Variants in PRICKLE2 observed in about 807,000 individuals in gnomAD.
The protein encoded by PRICKLE2 is prickle-like protein 2.
PRICKLE2 carries 21 observed loss-of-function variants against 81.4 expected under a neutral mutation model. The ratio of observed to expected loss-of-function variants is 0.26; its 90% CI spans 0.18 to 0.37. The LOEUF is 0.37. PRICKLE2 is among the 10% of genes least tolerant of loss of function. The pLI is 1.00. For synonymous variants in PRICKLE2, 456 were observed against 421.5 expected (o/e 1.08, Z -1.00); for missense variants, 940 against 1,109.0 (o/e 0.85, Z 2.16).
intron 2 of PRICKLE2, among the ~76,000 whole-genome samples, chr3:64,248,000 T>TTCC (rs2079384114): frequency 6.6e-6 from 1 of 152,146 alleles, no homozygotes. Context: ...GCTGGGCACC[T>TTCC]CAATCCACAA....
At chr3:64,177,928 A>G (rs987531619) in intron 2 of PRICKLE2, among the ~76,000 whole-genome samples, 2 of 152,222 alleles carry the variant, frequency 1.3e-5, no homozygotes, top group Non-Finnish European at 1.5e-5. Context: ...CTAGGAGTGG[A>G]ATTACTGGAT....
At chr3:64,262,123 A>C (rs549874015) in intron 2 of PRICKLE2, among the ~76,000 whole-genome samples, 58 of 152,324 alleles carry the variant, frequency 3.8e-4, no homozygotes, top group African/African-American at 1.3e-3. Flanking sequence ...CGCACACTCT[A>C]TCAAGATATC....
In PRICKLE2 at chr3:64,206,668, G is replaced by T. The variant is rs139604679; in HGVS notation, c.-40-7701C>A. ...GCCACTTTCATGCACAGGGACAAGG[G>T]GCAGACTGCTTAAAGAGTGGTTCAG... On this transcript the variant is annotated intron_variant, in intron 1 of 7. Transcript: ENST00000638394. Among the ~76,000 whole-genome samples, 64 of 152,298 alleles carry T rather than the reference G, an allele frequency of 4.2e-4. No individual in the cohort carries two copies. In the East Asian group the frequency reaches 0.011, roughly 25 times the overall value.
At chr3:64,137,007 T>G (rs967698996) in intron 7 of PRICKLE2, among the ~76,000 whole-genome samples, 7 of 152,316 alleles carry the variant, frequency 4.6e-5, no homozygotes, top group Admixed American at 4.6e-4. Flanking sequence ...GGCCACAAAC[T>G]ATTCACTATG....
intron 2 of PRICKLE2, among the ~76,000 whole-genome samples, chr3:64,234,140 T>C (rs2079147036): frequency 6.6e-6 from 1 of 152,130 alleles, no homozygotes; most frequent in Non-Finnish European, 1.5e-5. Flanking sequence ...ACGTATAAGT[T>C]TTTGTGGGGA....
At chr3:64,133,781 T>C (rs2077234495) in intron 7 of PRICKLE2, among the ~76,000 whole-genome samples, 1 of 152,196 alleles carries the variant, frequency 6.6e-6, no homozygotes, top group Non-Finnish European at 1.5e-5. Flanking sequence ...CTCATCTTTC[T>C]GGCTGCAAGC....
In PRICKLE2 at chr3:64,126,956, G is replaced by A. The variant is rs183738849; in HGVS notation, c.1660+19874C>T. Among the ~76,000 whole-genome samples, 11 of 152,216 alleles carry A rather than the reference G, an allele frequency of 7.2e-5. No individual in the cohort carries two copies. The East Asian group carries it at 1.4e-3, about 19-fold the overall frequency. ...AGGCTCATTCATTCGCAAATAGTTC[G>A]TGAATGCCCACTCATTTGTCAGGTT... On this transcript the variant is annotated intron_variant, in intron 7 of 7. Transcript: ENST00000638394.
chr3:64,249,569 A>G (rs915947844), intron 2 of PRICKLE2, among the ~76,000 whole-genome samples: 3 of 152,204 alleles, frequency 2.0e-5, no homozygotes, highest in African/African-American at 7.2e-5. Context: ...ACAGCCAACC[A>G]CTTGTTGCCA....
intron 7 of PRICKLE2, among the ~76,000 whole-genome samples, chr3:64,111,356 T>C (rs374109854): frequency 6.6e-6 from 1 of 152,192 alleles, no homozygotes; most frequent in South Asian, 2.1e-4. Context: ...TCTTTCTAAG[T>C]GGGAAAAGGG....
chr3:64,225,860 T>C (rs1175067180), upstream of PRICKLE2, among the ~76,000 whole-genome samples: 1 of 152,034 alleles, frequency 6.6e-6, no homozygotes, highest in South Asian at 2.1e-4. Context: ...TTAAATGCTG[T>C]GTCAAGCCTT....
chr3:64,177,626 A>C (rs958098646), intron 2 of PRICKLE2, among the ~76,000 whole-genome samples: 2 of 152,128 alleles, frequency 1.3e-5, no homozygotes, highest in African/African-American at 4.8e-5. Context: ...TGTCTCTATG[A>C]GTCTGCCTAG....
intron 2 of PRICKLE2, among the ~76,000 whole-genome samples, chr3:64,173,076 G>A (rs2077961774): frequency 1.3e-5 from 2 of 152,158 alleles, no homozygotes; most frequent in Admixed American, 6.6e-5. Flanking sequence ...ACATGAATGG[G>A]AAACCACCCC....
At chr3:64,191,653 T>C (rs577905874) in intron 2 of PRICKLE2, among the ~76,000 whole-genome samples, 2 of 152,236 alleles carry the variant, frequency 1.3e-5, no homozygotes, top group African/African-American at 4.8e-5. Flanking sequence ...GGTGGGTCCA[T>C]AGCAAGTGTT....
chr3:64,214,580 G>A (rs1189093355), intron 1 of PRICKLE2, among the ~76,000 whole-genome samples: 1 of 152,114 alleles, frequency 6.6e-6, no homozygotes, highest in African/African-American at 2.4e-5. Context: ...GCTACAACTC[G>A]CTTCCTCATT....
chr3:64,135,291 C>T (rs913529003), intron 7 of PRICKLE2, among the ~76,000 whole-genome samples: 8 of 152,124 alleles, frequency 5.3e-5, no homozygotes, highest in Non-Finnish European at 1.0e-4. Flanking sequence ...GTATTTTCCT[C>T]CATTCCTTGT....
At chr3:64,137,803 G>C (rs1437302329) in intron 7 of PRICKLE2, among the ~76,000 whole-genome samples, 1 of 152,146 alleles carries the variant, frequency 6.6e-6, no homozygotes, top group Non-Finnish European at 1.5e-5. Flanking sequence ...CTGTGAGCTA[G>C]GGGTGATGTT....
At chr3:64,114,339 C>G (rs191278215) in intron 7 of PRICKLE2, among the ~76,000 whole-genome samples, 2 of 152,312 alleles carry the variant, frequency 1.3e-5, no homozygotes, top group African/African-American at 4.8e-5. Flanking sequence ...AACCGCATCA[C>G]CTTTCCAGCA....
intron 7 of PRICKLE2, among the ~76,000 whole-genome samples, chr3:64,140,754 C>T (rs1424083944): frequency 1.3e-5 from 2 of 152,164 alleles, no homozygotes; most frequent in Non-Finnish European, 2.9e-5. Flanking sequence ...CTACCTCTGA[C>T]CTTGGCACAT....
At chr3:64,251,913 G>C (rs548952932) in intron 2 of PRICKLE2, among the ~76,000 whole-genome samples, 1 of 152,268 alleles carries the variant, frequency 6.6e-6, no homozygotes, top group South Asian at 2.1e-4. Flanking sequence ...AGGCTTTGGG[G>C]ACACATCAGT....
Sources: allele counts gnomAD v4.1 joint callset (sites outside exome capture counted in the v4.1 genomes callset), GRCh38; gene constraint gnomAD v4.1.1; transcripts MANE v1.5; gene names NCBI Gene and HGNC (gene_info 2026-07-23, HGNC 2026-07-21).